PDE9A: variants seen among roughly 807,000 people sequenced by gnomAD.
The protein encoded by PDE9A is phosphodiesterase 9A, also known as high affinity cGMP-specific 3',5'-cyclic phosphodiesterase 9A.
Under a neutral mutation model 87.4 loss-of-function variants are expected in PDE9A, and 60 were observed. The ratio of observed to expected loss-of-function variants is 0.69; its 90% CI spans 0.56 to 0.85. The LOEUF (loss-of-function observed/expected upper bound fraction) is 0.85, where lower values mean the gene tolerates loss of function less well. Among genes scored for constraint, PDE9A ranks in the 40% least tolerant of loss-of-function variants. The probability of loss-of-function intolerance (pLI) is 0.00; values close to 1 mark genes in which losing one functional copy is unlikely to be tolerated. For missense variants in PDE9A, 665 were observed against 779.0 expected, an observed-to-expected ratio of 0.85 and a Z score of 1.74; for synonymous variants, 272 against 279.4, an observed-to-expected ratio of 0.97 and a Z score of 0.27.
intron 1 of PDE9A, among the ~76,000 whole-genome samples, chr21:42,656,200 CT>C (rs1419450524): frequency 6.6e-6 from 1 of 152,224 alleles, no homozygotes; most frequent in East Asian, 1.9e-4. Flanking sequence ...ATGTTGCTTC[CT>C]AGGAGGGAGC....
At chr21:42,706,416 G>A (rs1400502013) in intron 4 of PDE9A, among the ~76,000 whole-genome samples, 3 of 152,126 alleles carry the variant, frequency 2.0e-5, no homozygotes, top group Admixed American at 6.5e-5. Context: ...AGGCTGAGGC[G>A]GGCAGATCAC....
Position 42,775,423 on chromosome 21 carries a change from G to T in PDE9A, c.*130G>T. On this transcript the variant is annotated 3_prime_UTR_variant, in exon 20 of 20. Coordinates refer to ENST00000291539, the MANE Select transcript of PDE9A (RefSeq NM_002606.3). ...TTTTCTAAGAACCATTTTGTTCACT[G>T]ATACAAAAAAAAAAAAAGGAATTCA... is the stretch of plus-strand genomic sequence containing the variant. 5.3e-6 allele frequency: 3 copies of T among 570,636 alleles called. No individual in the cohort carries two copies. The highest frequency in any genetic ancestry group is 3.5e-5 in the South Asian group (1 of 28,278). 35.3% of individuals were successfully genotyped at this position (570,636 alleles called of 1,614,324 possible).
chr21:42,675,438 G>A lies in PDE9A; in HGVS notation c.70-10754G>A, dbSNP rs555205077. Among the ~76,000 whole-genome samples, 128 of 152,358 alleles carry A rather than the reference G, an allele frequency of 8.4e-4. No homozygotes were observed. The highest frequency in any genetic ancestry group is 2.9e-3 in the African/African-American group (120 of 41,586). On this transcript the variant is annotated intron_variant, in intron 1 of 19. Coordinates refer to ENST00000291539, the MANE Select transcript of PDE9A (RefSeq NM_002606.3). The surrounding 1 kb of genome is among the most constrained non-coding windows in gnomAD (Gnocchi z 4.3). ...CAGTGGAGATTAGATTAGATCGTCC[G>A]TGGAAAGCACCAGAATGGTGCCTGG...
rs1331949979 is a variant in PDE9A at position 42,769,664 on chromosome 21, GCACACAAATGCA to G, written c.1590+516_1590+527del. ...CACAGGGACACACAGGCACACATAG[GCACACAAATGCA>G]CACACAGGCACACACATACACACAT... On this transcript the variant is annotated intron_variant, in intron 17 of 19. Transcript: ENST00000291539. 1.1e-4 allele frequency among the ~76,000 whole-genome samples: 4 copies of G among 37,430 alleles called. No individual in the cohort carries two copies. In the East Asian group the frequency reaches 2.1e-3, roughly 20 times the overall value. 24.6% of individuals were successfully genotyped at this position (37,430 alleles called of 152,430 possible). A position where few individuals can be genotyped will look rare whatever the true frequency, so the allele number is the denominator to read the frequency against.
chr21:42,672,701 C>T (rs914004209), intron 1 of PDE9A, among the ~76,000 whole-genome samples: 2 of 152,190 alleles, frequency 1.3e-5, no homozygotes, highest in African/African-American at 4.8e-5. Context: ...TCATTTAACC[C>T]GTCGAGTTTG....
intron 14 of PDE9A, among the ~76,000 whole-genome samples, chr21:42,764,306 G>T (rs1228977190): frequency 6.6e-6 from 1 of 152,174 alleles, no homozygotes; most frequent in African/African-American, 2.4e-5. Context: ...TTATCTATAG[G>T]CTCTCTGGCC....
At chr21:42,709,724 G>T (rs2049141277) in intron 4 of PDE9A, among the ~76,000 whole-genome samples, 1 of 152,036 alleles carries the variant, frequency 6.6e-6, no homozygotes. Flanking sequence ...CACGCCTGTT[G>T]CCCAGGCTGG....
At chr21:42,701,648 G>T (rs1428054174) in intron 4 of PDE9A, among the ~76,000 whole-genome samples, 1 of 151,916 alleles carries the variant, frequency 6.6e-6, no homozygotes, top group Non-Finnish European at 1.5e-5. Context: ...TATTGCCCAG[G>T]CTGGTCTCAA....
chr21:42,698,817 C>G, intron 3 of PDE9A, 151 bp from the exon 4 acceptor site: 1 of 497,652 alleles, frequency 2.0e-6, no homozygotes. Flanking sequence ...AAGCTGAGAA[C>G]AGTCAAAGAA....
chr21:42,768,220 C>T lies in PDE9A; in HGVS notation c.1389C>T (p.Ile463=), dbSNP rs2147175738. 2.5e-6 allele frequency: 4 copies of T among 1,610,690 alleles called. No homozygotes were observed. The African/African-American group carries it at 5.3e-5, about 21-fold the overall frequency. The change falls in exon 16 of 20, where the codon ATC becomes ATT. Residue 463 remains isoleucine (I), a synonymous_variant. Transcript: ENST00000291539. ...LKMILIKCCD[I]SNEVRPMEVA... ...TGATTTTGATAAAATGCTGTGATATCTCTAACGAGGTCCGTCCAATGGAAG... is the reference window on the plus strand; with the variant it reads ...TGATTTTGATAAAATGCTGTGATATTTCTAACGAGGTCCGTCCAATGGAAG...
chr21:42,665,215 G>A (rs1342765626), intron 1 of PDE9A, among the ~76,000 whole-genome samples: 2 of 152,212 alleles, frequency 1.3e-5, no homozygotes, highest in African/African-American at 4.8e-5. Context: ...CCTCCTCCCT[G>A]GAGTCCTGGG....
intron 4 of PDE9A, among the ~76,000 whole-genome samples, chr21:42,715,266 C>CT (rs1348928936): frequency 6.9e-6 from 1 of 145,488 alleles, no homozygotes. Context: ...AAGTGTGGAG[C>CT]TCCCACATGT....
At chr21:42,656,208 G>C (rs1266231032) in intron 1 of PDE9A, among the ~76,000 whole-genome samples, 1 of 152,170 alleles carries the variant, frequency 6.6e-6, no homozygotes, top group African/African-American at 2.4e-5. Flanking sequence ...TCCTAGGAGG[G>C]AGCCCTGGGG....
intron 7 of PDE9A, among the ~76,000 whole-genome samples, chr21:42,742,019 A>C (rs2053324523): frequency 6.6e-6 from 1 of 152,190 alleles, no homozygotes; most frequent in African/African-American, 2.4e-5. Context: ...AACCAACTCT[A>C]ATTGAAAAGC....
intron 1 of PDE9A, among the ~76,000 whole-genome samples, chr21:42,662,473 C>CCA (rs145311820): frequency 1.3e-5 from 2 of 151,254 alleles, no homozygotes; most frequent in South Asian, 2.1e-4. Flanking sequence ...CACACACCCA[C>CCA]CACACACACA....
rs796349839 is a variant in PDE9A at position 42,665,646 on chromosome 21, G to A, written c.69+11763G>A. Among the ~76,000 whole-genome samples, 8 of 152,218 alleles carry A rather than the reference G, an allele frequency of 5.3e-5. No homozygotes were observed. The South Asian group carries it at 8.3e-4, about 16-fold the overall frequency. Reference sequence around the variant, plus strand: ...TGGCCGGCCCTTGCTGAATGTCCCCGCTCCTAGGAAGCCGGATGTGTCGCG... The same window carrying A: ...TGGCCGGCCCTTGCTGAATGTCCCCACTCCTAGGAAGCCGGATGTGTCGCG... On this transcript the variant is annotated intron_variant, in intron 1 of 19. Transcript: ENST00000291539.
At chr21:42,673,336 C>T (rs965710781) in intron 1 of PDE9A, among the ~76,000 whole-genome samples, 1 of 152,130 alleles carries the variant, frequency 6.6e-6, no homozygotes, top group African/African-American at 2.4e-5. Context: ...AGCCGAATGG[C>T]ACGGACCCAG....
At chr21:42,714,349 A>G (rs111786768) in intron 4 of PDE9A, among the ~76,000 whole-genome samples, 4,228 of 152,286 alleles carry the variant, frequency 0.028, 187 homozygotes, top group African/African-American at 0.094. Context: ...ATCTAAACGT[A>G]TCACATGCAG....
intron 3 of PDE9A, among the ~76,000 whole-genome samples, chr21:42,698,488 C>T (rs1051882234): frequency 1.1e-4 from 17 of 152,010 alleles, no homozygotes; most frequent in South Asian, 2.1e-4. Context: ...CGCTGGGCCT[C>T]GTGATGATGG....
Sources: gnomAD v4.1 joint callset for allele counts (sites outside exome capture counted in the v4.1 genomes callset) on GRCh38, gnomAD v4.1.1 for gene constraint, Gnocchi (gnomAD v3.1) non-coding constraint, MANE v1.5 for transcripts, NCBI Gene and HGNC (gene_info 2026-07-23, HGNC 2026-07-21) for gene names.